RPS6KA2: variants seen among roughly 807,000 people sequenced by gnomAD.
The protein encoded by RPS6KA2 is ribosomal protein S6 kinase A2, also known as ribosomal protein S6 kinase alpha-2.
Under a neutral mutation model 91.8 loss-of-function variants are expected in RPS6KA2, and 42 were observed. The observed-to-expected ratio is 0.46, with a 90% CI of 0.36 to 0.59. RPS6KA2 has a LOEUF of 0.59. Ranked by LOEUF, RPS6KA2 falls within the 20% of genes least tolerant of loss-of-function variation. The pLI is 0.00. For missense variants in RPS6KA2, 798 were observed against 978.5 expected, an observed-to-expected ratio of 0.82 and a Z score of 2.46; for synonymous variants, 414 against 393.6, an observed-to-expected ratio of 1.05 and a Z score of -0.61.
chr6:166,689,304 G>A (rs748240435), intron 2 of RPS6KA2, among the ~76,000 whole-genome samples: 61 of 152,366 alleles, frequency 4.0e-4, no homozygotes, highest in African/African-American at 1.3e-3. Flanking sequence ...CCAGGAGCCC[G>A]GGATGAAGGT....
chr6:166,571,198 GA>G (rs1261989353), intron 1 of RPS6KA2, among the ~76,000 whole-genome samples: 2 of 152,184 alleles, frequency 1.3e-5, no homozygotes, highest in African/African-American at 4.8e-5. Context: ...ACCCATAAGG[GA>G]TACCGGGGAA....
At chr6:166,842,678 C>T (rs1014120033) in intron 2 of RPS6KA2, among the ~76,000 whole-genome samples, 2 of 152,232 alleles carry the variant, frequency 1.3e-5, no homozygotes, top group African/African-American at 4.8e-5. Flanking sequence ...CGTCCCACAA[C>T]TTGTGTCTCC....
chr6:166,423,268 G>A lies in RPS6KA2; in HGVS notation c.1731C>T (p.Phe577=), dbSNP rs375949862. Residue 577 remains phenylalanine (F), a synonymous_variant, in exon 17 of 21, where the codon TTC becomes TTT. Coordinates refer to ENST00000265678, the MANE Select transcript of RPS6KA2 (RefSeq NM_021135.6). This position sits in a 1 kb window ranked among gnomAD's most constrained non-coding sequence, Gnocchi z 4.8. Reference sequence around the variant, plus strand: ...GGGGAATGCTCACCTCCGGGGCCACGAAATTGGCCGTGTAGCAGGGTGTCA... The same window carrying A: ...GGGGAATGCTCACCTCCGGGGCCACAAAATTGGCCGTGTAGCAGGGTGTCA... ...LLMTPCYTAN[F]VAPEVLKRQG... is the part of the protein sequence containing the mutation. 1.9e-4 allele frequency: 301 copies of A among 1,611,454 alleles called. 1 individual carries two copies. Among genetic ancestry groups the A allele is most frequent in the Non-Finnish European group, 2.4e-4 (284 of 1,178,146 alleles).
Position 166,434,286 on chromosome 6 carries a change from C to A in RPS6KA2, c.1333-1796G>T, listed in dbSNP as rs1779225361. ...GAGTCCTAATAGCCTGCGTTGTAAA[C>A]AGGCAGAAGAGTTAGGGTCCCTTTC... On this transcript the variant is annotated intron_variant, in intron 14 of 20. Coordinates refer to ENST00000265678, the MANE Select transcript of RPS6KA2 (RefSeq NM_021135.6). The surrounding 1 kb of genome is among the most constrained non-coding windows in gnomAD (Gnocchi z 4.4). Among the ~76,000 whole-genome samples, 1 of 152,242 alleles carries A rather than the reference C, an allele frequency of 6.6e-6. No homozygotes were observed.
At chr6:166,754,995 G>A (rs1777967393) in intron 2 of RPS6KA2, among the ~76,000 whole-genome samples, 1 of 152,166 alleles carries the variant, frequency 6.6e-6, no homozygotes, top group South Asian at 2.1e-4. Context: ...TGATTTCAAT[G>A]ACCCCTTCCA....
chr6:166,844,393 G>T (rs1780559659), intron 2 of RPS6KA2, among the ~76,000 whole-genome samples: 1 of 152,142 alleles, frequency 6.6e-6, no homozygotes, highest in Non-Finnish European at 1.5e-5. Flanking sequence ...TAGAGATCTA[G>T]ACATTCAAAT....
upstream of RPS6KA2, chr6:166,627,982 C>G (rs560714363): frequency 6.6e-4 from 101 of 152,190 alleles, 1 homozygote; most frequent in Admixed American, 3.7e-3. Flanking sequence ...CAAAGGCGCC[C>G]GAGGGCGGGG....
chr6:166,537,559 A>G (rs1783520744), intron 2 of RPS6KA2, among the ~76,000 whole-genome samples: 1 of 151,880 alleles, frequency 6.6e-6, no homozygotes, highest in Non-Finnish European at 1.5e-5. Context: ...AATCCAGTTC[A>G]TGCGGACTGT....
At chr6:166,734,896 T>A (rs1790633513) in intron 2 of RPS6KA2, among the ~76,000 whole-genome samples, 1 of 152,210 alleles carries the variant, frequency 6.6e-6, no homozygotes, top group Non-Finnish European at 1.5e-5. Context: ...TGAGAAAATA[T>A]CACAGATTTT....
At chr6:166,783,881 CCACATATG>C (rs1778852286) in intron 2 of RPS6KA2, among the ~76,000 whole-genome samples, 1 of 101,536 alleles carries the variant, frequency 9.8e-6, no homozygotes, top group Non-Finnish European at 2.0e-5. Context: ...CTACGCATCA[CCACATATG>C]CACACGTGCA....
rs1308498223 is a variant in RPS6KA2, at chr6:166,557,352, AC to A, written c.100-18569del. Among the ~76,000 whole-genome samples the A allele has an allele frequency of 6.6e-6, 1 of 152,252 alleles. No individual in the cohort carries two copies. Among genetic ancestry groups the A allele is most frequent in the Non-Finnish European group, 1.5e-5 (1 of 68,050 alleles). On this transcript the variant is annotated intron_variant, in intron 1 of 20. Transcript: ENST00000265678. The surrounding 1 kb of genome is among the most constrained non-coding windows in gnomAD (Gnocchi z 4.8). ...AATCGACATAAACACGGTCCTGGCC[AC>A]CACGTCCCCCACAGACTCAATGGTC...
intron 1 of RPS6KA2, among the ~76,000 whole-genome samples, chr6:166,543,070 A>C (rs940661306): frequency 6.6e-6 from 1 of 152,242 alleles, no homozygotes; most frequent in Non-Finnish European, 1.5e-5. Flanking sequence ...CCATCAAGCC[A>C]GCACTGTTCT....
intron 1 of RPS6KA2, among the ~76,000 whole-genome samples, chr6:166,541,670 C>T (rs905951888): frequency 1.3e-5 from 2 of 152,200 alleles, no homozygotes; most frequent in African/African-American, 2.4e-5. Context: ...TGCCTCCCGC[C>T]TCCCCGGTCC....
intron 2 of RPS6KA2, among the ~76,000 whole-genome samples, chr6:166,694,943 G>T (rs897217561): frequency 3.3e-5 from 5 of 152,158 alleles, no homozygotes; most frequent in African/African-American, 1.2e-4. Flanking sequence ...ACATAAGTCT[G>T]CTTGTAATAT....
chr6:166,775,236 A>G (rs1778582858), intron 2 of RPS6KA2, among the ~76,000 whole-genome samples: 1 of 151,846 alleles, frequency 6.6e-6, no homozygotes, highest in South Asian at 2.1e-4. Context: ...TCCAAAAAAT[A>G]CACACTCATT....
intron 2 of RPS6KA2, among the ~76,000 whole-genome samples, chr6:166,724,054 G>T (rs1790266839): frequency 6.6e-6 from 1 of 152,082 alleles, no homozygotes; most frequent in Non-Finnish European, 1.5e-5. Context: ...ACACTTAAAA[G>T]GTAAGTATAA....
At chr6:166,701,344 G>C in intron 2 of RPS6KA2, 2 of 1,532,972 alleles carry the variant, frequency 1.3e-6, no homozygotes, top group Non-Finnish European at 1.8e-6. Context: ...CAGCAGCAAA[G>C]GATGGCACTC....
At chr6:166,837,904 C>T (rs1262485075) in intron 2 of RPS6KA2, among the ~76,000 whole-genome samples, 5 of 152,196 alleles carry the variant, frequency 3.3e-5, no homozygotes, top group African/African-American at 7.2e-5. Context: ...ATATCTTCTA[C>T]GGAATGAAAA....
chr6:166,672,672 G>A (rs1054883651), intron 2 of RPS6KA2, among the ~76,000 whole-genome samples: 1 of 152,324 alleles, frequency 6.6e-6, no homozygotes, highest in Admixed American at 6.5e-5. Flanking sequence ...TGAGAGAAAG[G>A]AATGACATTG....
Sources: allele counts gnomAD v4.1 joint callset (sites outside exome capture counted in the v4.1 genomes callset), GRCh38; gene constraint gnomAD v4.1.1; non-coding constraint Gnocchi (gnomAD v3.1); transcripts MANE v1.5; gene names NCBI Gene and HGNC (gene_info 2026-07-23, HGNC 2026-07-21).